USP26: variants seen among roughly 807,000 people sequenced by gnomAD.
The protein encoded by USP26 is ubiquitin specific peptidase 26, also known as ubiquitin carboxyl-terminal hydrolase 26.
For synonymous variants in USP26, 236 were observed against 240.6 expected, an observed-to-expected ratio of 0.98 and a Z score of 0.18; for missense variants, 649 against 642.3, an observed-to-expected ratio of 1.01 and a Z score of -0.11.
intron 5 of USP26, among the ~76,000 whole-genome samples, chrX:133,083,258 T>C (rs1339948145): frequency 8.9e-6 from 1 of 112,252 alleles, no homozygotes; most frequent in Non-Finnish European, 1.9e-5. Flanking sequence ...TCTTGATATT[T>C]CCAAGCTAAC....
chrX:133,044,520 G>A (rs1410465006), intron 5 of USP26, among the ~76,000 whole-genome samples: 1 of 113,557 alleles, frequency 8.8e-6, no homozygotes, highest in Non-Finnish European at 1.9e-5. Context: ...TTAGCACCTG[G>A]ACCAGCAGCT....
At chrX:133,046,632 CGAGAGAGAGA>C (rs34047132) in intron 5 of USP26, among the ~76,000 whole-genome samples, 1 of 104,429 alleles carries the variant, frequency 9.6e-6, no homozygotes, top group African/African-American at 3.5e-5. Context: ...GTGTGTGAGA[CGAGAGAGAGA>C]GAGAGAGAGA....
chrX:133,028,007 G>C lies in USP26; in HGVS notation c.214C>G (p.His72Asp), dbSNP rs1463764347. The C allele has an allele frequency of 4.1e-6, 5 of 1,209,528 alleles. No homozygotes were observed. Among genetic ancestry groups the C allele is most frequent in the Non-Finnish European group, 5.6e-6 (5 of 894,861 alleles). ...KSYRGNQNHL[H>D]LTLQNNNGLF... Reference sequence around the variant, plus strand: ...CCATTATTATTTTGTAAAGTTAAATGCAGGTGATTTTGGTTTCCTCTATAG... The same window carrying C: ...CCATTATTATTTTGTAAAGTTAAATCCAGGTGATTTTGGTTTCCTCTATAG... Residue 72 changes from histidine (H) to aspartate (D), a missense_variant, in exon 6 of 6, where the codon CAT becomes GAT. Coordinates refer to ENST00000511190, the MANE Select transcript of USP26 (RefSeq NM_031907.3).
intron 5 of USP26, among the ~76,000 whole-genome samples, chrX:133,064,141 C>T (rs911606898): frequency 7.1e-5 from 8 of 112,253 alleles, no homozygotes; most frequent in African/African-American, 1.9e-4. Flanking sequence ...AAGGGAATTA[C>T]ATAATGGTAA....
chrX:133,051,992 C>T (rs1170773891), intron 5 of USP26, among the ~76,000 whole-genome samples: 1 of 112,030 alleles, frequency 8.9e-6, no homozygotes, highest in African/African-American at 3.2e-5. Context: ...GTTTAAGTCT[C>T]TATTTTACAT....
intron 5 of USP26, among the ~76,000 whole-genome samples, chrX:133,069,047 A>T (rs1418623329): frequency 9.0e-6 from 1 of 111,716 alleles, no homozygotes; most frequent in African/African-American, 3.3e-5. Context: ...TTAATGGCTC[A>T]TTTAATAATG....
intron 5 of USP26, among the ~76,000 whole-genome samples, chrX:133,070,253 T>C (rs2067526434): frequency 8.9e-6 from 1 of 112,150 alleles, no homozygotes. Context: ...CATCTGTACA[T>C]TTGAAGACAT....
chrX:133,038,879 G>A lies in USP26; in HGVS notation c.-76-10583C>T, dbSNP rs771762765. ...TATTCAGGGATTTGACTTCTTCCTG[G>A]TTTAGTCTTGGGAGGGTGTATGTGT... is the stretch of plus-strand genomic sequence containing the variant. On this transcript the variant is annotated intron_variant, in intron 5 of 5. Transcript: ENST00000511190. Among the ~76,000 whole-genome samples, 7 of 111,749 alleles carry A rather than the reference G, an allele frequency of 6.3e-5. No individual in the cohort carries two copies. The South Asian group carries it at 2.7e-3, about 42-fold the overall frequency.
At chrX:133,092,013 G>T (rs1366650919) in intron 1 of USP26, among the ~76,000 whole-genome samples, 2 of 111,646 alleles carry the variant, frequency 1.8e-5, no homozygotes, top group African/African-American at 6.5e-5. Flanking sequence ...AACTCATTTT[G>T]GTGGATGGCT....
intron 5 of USP26, among the ~76,000 whole-genome samples, chrX:133,029,407 C>T (rs769278943): frequency 8.9e-6 from 1 of 111,920 alleles, no homozygotes; most frequent in Admixed American, 9.5e-5. Flanking sequence ...CTATGTTCAG[C>T]GAAATAGAGA....
intron 5 of USP26, among the ~76,000 whole-genome samples, chrX:133,067,520 A>G (rs963026694): frequency 1.3e-4 from 15 of 112,834 alleles, no homozygotes; most frequent in African/African-American, 4.2e-4. Context: ...TGTTGCACAT[A>G]TAGCCATGGA....
At chrX:133,083,027 G>A (rs1208395166) in intron 5 of USP26, among the ~76,000 whole-genome samples, 1 of 111,140 alleles carries the variant, frequency 9.0e-6, no homozygotes, top group African/African-American at 3.3e-5. Flanking sequence ...CTTCTACTCT[G>A]GGTATATATA....
chrX:133,046,632 C>CGAGA (rs34047132), intron 5 of USP26, among the ~76,000 whole-genome samples: 20 of 104,451 alleles, frequency 1.9e-4, no homozygotes, highest in East Asian at 3.0e-4. Context: ...GTGTGTGAGA[C>CGAGA]GAGAGAGAGA....
rs746915101 is a variant in USP26 at position 133,027,786 on chromosome X, C to T, written c.435G>A (p.Glu145=). The T allele has an allele frequency of 9.9e-6, 12 of 1,208,276 alleles. No homozygotes were observed. The highest frequency in any genetic ancestry group is 6.6e-5 in the Admixed American group (3 of 45,585). ...CACCTGTCCCACTTCCTTTTGCTAT[C>T]TCAAAAGATTTGCTACTTGATTTCT... is the stretch of plus-strand genomic sequence containing the variant. ...VDEKSSSKSF[E]IAKGSGTGVL... Residue 145 remains glutamate (E), a synonymous_variant, in exon 6 of 6, where the codon GAG becomes GAA. Coordinates refer to ENST00000511190, the MANE Select transcript of USP26 (RefSeq NM_031907.3).
intron 5 of USP26, among the ~76,000 whole-genome samples, chrX:133,044,713 C>T (rs1344733038): frequency 5.3e-5 from 6 of 113,285 alleles, no homozygotes; most frequent in African/African-American, 1.9e-4. Flanking sequence ...AGCGTCACCC[C>T]CTGCTCCACA....
At chrX:133,041,868 C>A (rs775847693) in intron 5 of USP26, among the ~76,000 whole-genome samples, 3 of 112,306 alleles carry the variant, frequency 2.7e-5, no homozygotes, top group African/African-American at 9.7e-5. Context: ...ATCTATAAGC[C>A]TCCGACTGGG....
chrX:133,057,844 TTATATATATATATA>T (rs1198872172), intron 5 of USP26, among the ~76,000 whole-genome samples: 1 of 30,659 alleles, frequency 3.3e-5, no homozygotes, highest in Non-Finnish European at 5.2e-5. Context: ...ATACTTTACA[TTATATATATATATA>T]TATATATATT....
At chrX:133,036,980 T>A (rs2067398155) in intron 5 of USP26, among the ~76,000 whole-genome samples, 1 of 112,750 alleles carries the variant, frequency 8.9e-6, no homozygotes, top group Admixed American at 9.3e-5. Context: ...TGTCTTCTTT[T>A]GAGGAGTATC....
rs192850805 is a variant in USP26, at chrX:133,057,087, T to G, written c.-77+26620A>C. 2.7e-5 allele frequency among the ~76,000 whole-genome samples: 3 copies of G among 111,876 alleles called. No individual in the cohort carries two copies. In the East Asian group the frequency reaches 8.4e-4, roughly 31 times the overall value. ...ATTCATTTAAAAATGTTTAATTTTT[T>G]TTTTTATTTTACTTTAAGTTCTGGG... On this transcript the variant is annotated intron_variant, in intron 5 of 5. Transcript: ENST00000511190.
Sources: gnomAD v4.1 joint callset for allele counts (sites outside exome capture counted in the v4.1 genomes callset) on GRCh38, gnomAD v4.1.1 for gene constraint, MANE v1.5 for transcripts, NCBI Gene and HGNC (gene_info 2026-07-23, HGNC 2026-07-21) for gene names.